PLAC1: variants seen among roughly 807,000 people sequenced by gnomAD.
The protein encoded by PLAC1 is placenta associated 1.
For synonymous variants in PLAC1, 68 were observed against 62.1 expected, an observed-to-expected ratio of 1.09 and a Z score of -0.44; for missense variants, 136 against 163.2, an observed-to-expected ratio of 0.83 and a Z score of 0.91.
chrX:134,657,550 A>G (rs1240755554), intron 1 of PLAC1, among the ~76,000 whole-genome samples: 1 of 112,337 alleles, frequency 8.9e-6, no homozygotes, highest in African/African-American at 3.2e-5. Context: ...GTATATTGAT[A>G]GAAAGAAGGA....
At chrX:134,682,001 G>A (rs1383759609) in intron 2 of PLAC1, among the ~76,000 whole-genome samples, 1 of 111,609 alleles carries the variant, frequency 9.0e-6, no homozygotes, top group African/African-American at 3.3e-5. Flanking sequence ...TTGCTCCATT[G>A]TAGGCTTATT....
At chrX:134,581,051 C>A (rs1450475932) in intron 2 of PLAC1, among the ~76,000 whole-genome samples, 2 of 111,880 alleles carry the variant, frequency 1.8e-5, no homozygotes, top group Non-Finnish European at 3.8e-5. Flanking sequence ...ATCACATATT[C>A]CTGATTCCAC....
At chrX:134,616,654 C>CAA (rs1300845222) in intron 1 of PLAC1, among the ~76,000 whole-genome samples, 1 of 110,485 alleles carries the variant, frequency 9.1e-6, no homozygotes, top group African/African-American at 3.3e-5. Flanking sequence ...AAAAACAAAA[C>CAA]AACAAAAAAA....
At chrX:134,685,092 G>A (rs188782311) in intron 2 of PLAC1, among the ~76,000 whole-genome samples, 35 of 112,406 alleles carry the variant, frequency 3.1e-4, no homozygotes, top group Non-Finnish European at 6.0e-4. Flanking sequence ...AGTAGCTTTA[G>A]CCCTGCTGAG....
intron 2 of PLAC1, among the ~76,000 whole-genome samples, chrX:134,689,890 T>C (rs758118099): frequency 8.9e-6 from 1 of 112,660 alleles, no homozygotes; most frequent in South Asian, 3.7e-4. Context: ...TTTACCATTT[T>C]AAACATTTTA....
intron 1 of PLAC1, among the ~76,000 whole-genome samples, chrX:134,654,321 T>C (rs1480870960): frequency 8.9e-6 from 1 of 112,271 alleles, no homozygotes; most frequent in East Asian, 2.8e-4. Flanking sequence ...AGCACTGCCC[T>C]AGCTGGAAAG....
chrX:134,658,473 G>A (rs761721291), upstream of PLAC1: 2 of 112,363 alleles, frequency 1.8e-5, no homozygotes, highest in Non-Finnish European at 3.8e-5. Context: ...CCTTCTGATG[G>A]TCTGATATAT....
At chrX:134,717,835 T>A (rs1381836298) in intron 2 of PLAC1, among the ~76,000 whole-genome samples, 2 of 112,521 alleles carry the variant, frequency 1.8e-5, no homozygotes, top group East Asian at 2.8e-4. Context: ...TGCCTCACCA[T>A]GTGCTTGAAT....
intron 2 of PLAC1, among the ~76,000 whole-genome samples, chrX:134,675,116 A>C (rs999062028): frequency 8.9e-6 from 1 of 112,181 alleles, no homozygotes; most frequent in Non-Finnish European, 1.9e-5. Flanking sequence ...TCTGGAGTCT[A>C]GGATCAGTGG....
intron 2 of PLAC1, among the ~76,000 whole-genome samples, chrX:134,722,010 T>G (rs1388785544): frequency 3.6e-5 from 4 of 112,021 alleles, no homozygotes; most frequent in African/African-American, 1.3e-4. Flanking sequence ...CCTCAAAAAT[T>G]TATAAACATA....
At chrX:134,634,879 A>G (rs755686077) in intron 1 of PLAC1, among the ~76,000 whole-genome samples, 1 of 112,086 alleles carries the variant, frequency 8.9e-6, no homozygotes, top group South Asian at 3.8e-4. Context: ...TCTCGGGTAT[A>G]TGTGTAGGAG....
chrX:134,679,361 C>T (rs1295609310), intron 2 of PLAC1, among the ~76,000 whole-genome samples: 1 of 110,619 alleles, frequency 9.0e-6, no homozygotes, highest in Non-Finnish European at 1.9e-5. Flanking sequence ...AGCTCCACAT[C>T]TGGAAGCCAT....
chrX:134,678,200 T>C (rs1183738711), intron 2 of PLAC1, among the ~76,000 whole-genome samples: 1 of 111,524 alleles, frequency 9.0e-6, no homozygotes, highest in Non-Finnish European at 1.9e-5. Flanking sequence ...TGGTTTCTTA[T>C]CACACTTGGA....
At chrX:134,745,719 T>G (rs2078727642) in intron 1 of PLAC1, among the ~76,000 whole-genome samples, 1 of 111,736 alleles carries the variant, frequency 8.9e-6, no homozygotes, top group Admixed American at 9.5e-5. Flanking sequence ...CTGGCCAGAC[T>G]CCTTGGTCCA....
intron 1 of PLAC1, among the ~76,000 whole-genome samples, chrX:134,629,825 C>T (rs994143945): frequency 9.0e-6 from 1 of 111,656 alleles, no homozygotes; most frequent in South Asian, 3.7e-4. Context: ...TGGGAATTCA[C>T]CTGCAAACTG....
chrX:134,676,173 A>G (rs771441350), intron 2 of PLAC1, among the ~76,000 whole-genome samples: 5 of 111,959 alleles, frequency 4.5e-5, no homozygotes, highest in Admixed American at 3.8e-4. Context: ...ATTAAAAAGC[A>G]TCTGGAAATT....
intron 2 of PLAC1, among the ~76,000 whole-genome samples, chrX:134,588,554 C>G (rs2078018466): frequency 9.1e-6 from 1 of 109,331 alleles, no homozygotes; most frequent in Admixed American, 9.9e-5. Flanking sequence ...GGGAGCAGGC[C>G]CAGGATGGAT....
chrX:134,630,467 G>C (rs909643718), intron 1 of PLAC1, among the ~76,000 whole-genome samples: 1 of 111,867 alleles, frequency 8.9e-6, no homozygotes, highest in East Asian at 2.8e-4. Flanking sequence ...GTGTGCCCAA[G>C]GGCATATGAA....
At chrX:134,572,973 A>G (rs1179383780) in intron 2 of PLAC1, among the ~76,000 whole-genome samples, 1 of 112,011 alleles carries the variant, frequency 8.9e-6, no homozygotes, top group Non-Finnish European at 1.9e-5. Context: ...TAAAGGTTGC[A>G]AAATAAATAA....
Sources: gnomAD v4.1 joint callset for allele counts (sites outside exome capture counted in the v4.1 genomes callset) on GRCh38, gnomAD v4.1.1 for gene constraint, MANE v1.5 for transcripts, NCBI Gene and HGNC (gene_info 2026-07-23, HGNC 2026-07-21) for gene names.